RERE: variants seen among roughly 807,000 people sequenced by gnomAD.
RERE encodes the protein arginine-glutamic acid dipeptide repeats protein.
RERE carries 40 observed loss-of-function variants against 146.1 expected under a neutral mutation model. The observed-to-expected ratio is 0.27, with a 90% confidence interval of 0.21 to 0.36. RERE has a LOEUF of 0.36. Among genes scored for constraint, RERE ranks in the 10% least tolerant of loss-of-function variants. The pLI, the probability that RERE is intolerant of heterozygous loss-of-function variation, is 1.00. For missense variants in RERE, 1,933 were observed against 2,138.7 expected (o/e 0.90, Z 1.90); for synonymous variants, 1,003 against 866.0 (o/e 1.16, Z -2.78).
chr1:8,362,303 T>C (rs1210923453), intron 16 of RERE, among the ~76,000 whole-genome samples: 1 of 152,210 alleles, frequency 6.6e-6, no homozygotes, highest in Non-Finnish European at 1.5e-5. Flanking sequence ...ATGCAAACCA[T>C]GTGTCGATGT....
chr1:8,394,832 A>G (rs1642999041), intron 12 of RERE, among the ~76,000 whole-genome samples: 1 of 152,274 alleles, frequency 6.6e-6, no homozygotes, highest in East Asian at 1.9e-4. Context: ...AGCACTTACC[A>G]CAGTTACACT....
At chr1:8,771,880 A>C (rs1323469751) in intron 1 of RERE, among the ~76,000 whole-genome samples, 2 of 147,816 alleles carry the variant, frequency 1.4e-5, no homozygotes, top group Non-Finnish European at 3.0e-5. Context: ...ACTGCACTCC[A>C]GCCTGGGTGA....
At chr1:8,447,308 C>T (rs535067370) in intron 11 of RERE, among the ~76,000 whole-genome samples, 1 of 152,172 alleles carries the variant, frequency 6.6e-6, no homozygotes, top group Admixed American at 6.5e-5. Flanking sequence ...ATTTGTCAAA[C>T]TCATTCTCCA....
intron 4 of RERE, among the ~76,000 whole-genome samples, chr1:8,613,161 T>G (rs1449326124): frequency 6.6e-6 from 1 of 152,202 alleles, no homozygotes; most frequent in African/African-American, 2.4e-5. Flanking sequence ...CACTGCAAAC[T>G]GCTACAGTCA....
At chr1:8,386,276 T>C (rs1468710221) in intron 12 of RERE, among the ~76,000 whole-genome samples, 1 of 151,368 alleles carries the variant, frequency 6.6e-6, no homozygotes, top group African/African-American at 2.4e-5. Flanking sequence ...TTACCATTGC[T>C]CCTATATAAA....
At chr1:8,695,702 GC>G (rs891532971) in intron 1 of RERE, among the ~76,000 whole-genome samples, 11 of 151,430 alleles carry the variant, frequency 7.3e-5, no homozygotes, top group African/African-American at 2.7e-4. Context: ...GGAGGTTGCA[GC>G]GAGCTGAGAT....
chr1:8,660,208 G>A (rs1180494804), intron 1 of RERE, among the ~76,000 whole-genome samples: 1 of 152,048 alleles, frequency 6.6e-6, no homozygotes, highest in Non-Finnish European at 1.5e-5. Flanking sequence ...AGCTCAATGG[G>A]AATATATTTT....
intron 1 of RERE, among the ~76,000 whole-genome samples, chr1:8,764,245 C>T (rs140907740): frequency 1.3e-5 from 2 of 152,264 alleles, no homozygotes; most frequent in African/African-American, 2.4e-5. Context: ...TCATCTATGA[C>T]TCTTGGGGGA....
At chr1:8,786,134 A>C in intron 1 of RERE, 1 of 478,894 alleles carries the variant, frequency 2.1e-6, no homozygotes, top group Non-Finnish European at 3.8e-6. Flanking sequence ...TTTTTTTTCA[A>C]CTTGAGAGCA....
intron 12 of RERE, among the ~76,000 whole-genome samples, chr1:8,417,579 T>C (rs1304541930): frequency 1.3e-5 from 2 of 152,202 alleles, no homozygotes; most frequent in Non-Finnish European, 2.9e-5. Flanking sequence ...CCCATTAACT[T>C]TGAACTTTCA....
chr1:8,550,871 A>G (rs1360725314), intron 6 of RERE, among the ~76,000 whole-genome samples: 1 of 152,170 alleles, frequency 6.6e-6, no homozygotes, highest in Non-Finnish European at 1.5e-5. Context: ...TAAATGTTTT[A>G]AGGAATGGTT....
At chr1:8,406,343 G>A (rs1289793089) in intron 12 of RERE, among the ~76,000 whole-genome samples, 1 of 152,098 alleles carries the variant, frequency 6.6e-6, no homozygotes, top group Non-Finnish European at 1.5e-5. Flanking sequence ...GAAGTGCTAA[G>A]ATTATAGGCA....
In RERE at chr1:8,360,788, G is replaced by A. The variant is rs1192622284; in HGVS notation, c.2719C>T (p.Leu907=). The A allele has an allele frequency of 3.8e-6, 6 of 1,589,882 alleles. No homozygotes were observed. The highest frequency in any genetic ancestry group is 5.1e-6 in the Non-Finnish European group (6 of 1,173,266). The change falls in exon 18 of 23, where the codon CTG becomes TTG. Residue 907 remains leucine, a synonymous_variant. Coordinates refer to ENST00000400908, the MANE Select transcript of RERE (RefSeq NM_001042681.2). ...SLQLPASQSA[L]QSQQPPREQP... Reference sequence around the variant, plus strand: ...TCCCGTGGAGGCTGTTGGGACTGCAGCGCTGACTGAGAGGCTGGCAGCTGC... The same window carrying A: ...TCCCGTGGAGGCTGTTGGGACTGCAACGCTGACTGAGAGGCTGGCAGCTGC...
intron 1 of RERE, chr1:8,792,611 C>T (rs1641382886): frequency 6.6e-6 from 1 of 152,210 alleles, no homozygotes; most frequent in Non-Finnish European, 1.5e-5. Flanking sequence ...AGATGACTAT[C>T]ACTGTGACTA....
chr1:8,718,349 C>A (rs1639800147), intron 1 of RERE, among the ~76,000 whole-genome samples: 1 of 152,058 alleles, frequency 6.6e-6, no homozygotes, highest in Non-Finnish European at 1.5e-5. Flanking sequence ...GTTTTTAGTC[C>A]CCACCAGCTG....
At chr1:8,408,695 A>G (rs957026547) in intron 12 of RERE, among the ~76,000 whole-genome samples, 2 of 152,202 alleles carry the variant, frequency 1.3e-5, no homozygotes, top group Non-Finnish European at 2.9e-5. Context: ...CCTCCACATT[A>G]AACAACAGGG....
At position 8,360,420 on chromosome 1, in the gene RERE, G is replaced by T. The variant is rs1641515197; in HGVS notation, c.3087C>A (p.Ala1029=). The T allele has an allele frequency of 3.5e-6, 3 of 852,002 alleles. No individual in the cohort carries two copies. Among genetic ancestry groups the T allele is most frequent in the East Asian group, 9.0e-5 (1 of 11,114 alleles). The allele number at this position is 852,002 out of a possible 1,614,324, so 52.8% of individuals were successfully genotyped here. The part of the protein sequence containing the change: ...SHPPTGLHQV[A]PQPPFAQHPF... ...GGTGCTGAGCAAACGGGGGTTGGGG[G>T]GCCACCTGGTGGAGGCCTGTAGGGG... is the stretch of plus-strand genomic sequence containing the variant. The change falls in exon 18 of 23, where the codon GCC becomes GCA. Residue 1029 remains alanine, a synonymous_variant. Transcript: ENST00000400908.
rs190623056 is a variant in RERE at position 8,755,882 on chromosome 1, T to C, written c.-145+61278A>G. Among the ~76,000 whole-genome samples, 5 of 152,268 alleles carry C rather than the reference T, an allele frequency of 3.3e-5. No homozygotes were observed. In the East Asian group the frequency reaches 7.7e-4, roughly 23 times the overall value. On this transcript the variant is annotated intron_variant, in intron 1 of 22. Transcript: ENST00000400908. ...GAGTTTGAGACCAGCCCGGGCAATA[T>C]AGTGAGACTCCGTCTCCACAAAAAA...
intron 1 of RERE, chr1:8,798,329 G>A (rs954554061): frequency 1.3e-5 from 2 of 151,984 alleles, no homozygotes; most frequent in Admixed American, 6.6e-5. Flanking sequence ...CCTGGCTGGG[G>A]AACAGAGGTT....
Sources: gnomAD v4.1 joint callset for allele counts (sites outside exome capture counted in the v4.1 genomes callset) on GRCh38, gnomAD v4.1.1 for gene constraint, MANE v1.5 for transcripts, NCBI Gene and HGNC (gene_info 2026-07-23, HGNC 2026-07-21) for gene names.